The following CSMD1 variants were observed in gnomAD, a reference collection of about 807,000 sequenced individuals.
The protein encoded by CSMD1 is CUB and Sushi multiple domains 1, also known as CUB and sushi domain-containing protein 1.
A neutral mutation model predicts 417.5 loss-of-function variants in CSMD1; 213 were observed. That is an observed-to-expected ratio of 0.51 (90% CI 0.46 to 0.57). The LOEUF (loss-of-function observed/expected upper bound fraction) is 0.57. Among genes scored for constraint, CSMD1 ranks in the 20% least tolerant of loss-of-function variants. CSMD1 has a pLI of 0.00. For synonymous variants in CSMD1, 2,862 were observed against 1,736.8 expected, an observed-to-expected ratio of 1.65 and a Z score of -16.11; for missense variants, 6,923 against 4,529.7, an observed-to-expected ratio of 1.53 and a Z score of -15.17.
At position 3,823,319 on chromosome 8, in the gene CSMD1, G is replaced by C. The variant is rs535409956; in HGVS notation, c.819-69277C>G. ...TCCTCCTGCAAACCATCTTCTGGGT[G>C]CATGTGTAACAGGGACCCAGTACTC... On this transcript the variant is annotated intron_variant, in intron 5 of 69. Transcript: ENST00000635120. 1.9e-3 allele frequency among the ~76,000 whole-genome samples: 292 copies of C among 152,258 alleles called. 1 individual carries two copies. The highest frequency in any genetic ancestry group is 6.9e-3 in the African/African-American group (286 of 41,560).
At chr8:4,315,949 CTAAA>C (rs1798901220) in intron 3 of CSMD1, among the ~76,000 whole-genome samples, 2 of 152,092 alleles carry the variant, frequency 1.3e-5, no homozygotes, top group Admixed American at 6.6e-5. Flanking sequence ...CTCTTAACTC[CTAAA>C]TAAAGAACGG....
At chr8:3,705,767 C>G (rs1197746184) in intron 7 of CSMD1, among the ~76,000 whole-genome samples, 1 of 152,156 alleles carries the variant, frequency 6.6e-6, no homozygotes, top group East Asian at 1.9e-4. Flanking sequence ...TCTCTAGAAT[C>G]TCAAGAACTG....
intron 1 of CSMD1, among the ~76,000 whole-genome samples, chr8:4,876,589 A>C (rs1803055702): frequency 6.6e-6 from 1 of 152,132 alleles, no homozygotes; most frequent in Non-Finnish European, 1.5e-5. Flanking sequence ...TTCATAATAT[A>C]GCCTTTTTTT....
At chr8:3,546,870 C>A (rs984763434) in intron 10 of CSMD1, among the ~76,000 whole-genome samples, 1 of 152,108 alleles carries the variant, frequency 6.6e-6, no homozygotes, top group Non-Finnish European at 1.5e-5. Context: ...ATTGGAAAAA[C>A]GATGTTGCAA....
intron 46 of CSMD1, among the ~76,000 whole-genome samples, chr8:3,101,804 T>C (rs1043463840): frequency 6.2e-5 from 9 of 144,824 alleles, no homozygotes; most frequent in African/African-American, 1.0e-4. Flanking sequence ...TTTTTCTTTT[T>C]TTTTTTTTTT....
intron 3 of CSMD1, among the ~76,000 whole-genome samples, chr8:4,287,449 G>T (rs1448294180): frequency 6.6e-6 from 1 of 152,030 alleles, no homozygotes; most frequent in African/African-American, 2.4e-5. Flanking sequence ...GTCCAATATT[G>T]AGTAATATTA....
chr8:4,903,913 G>C (rs1468607612), intron 1 of CSMD1, among the ~76,000 whole-genome samples: 1 of 152,208 alleles, frequency 6.6e-6, no homozygotes, highest in African/African-American at 2.4e-5. Flanking sequence ...TGACATTGAA[G>C]ACTATATTTC....
chr8:4,050,565 T>C (rs1198973781), intron 3 of CSMD1, among the ~76,000 whole-genome samples: 1 of 152,152 alleles, frequency 6.6e-6, no homozygotes. Flanking sequence ...ACAAACAATC[T>C]AATCATACTA....
intron 23 of CSMD1, among the ~76,000 whole-genome samples, chr8:3,311,661 C>G (rs2161748): frequency 0.9 from 137,681 of 152,268 alleles, 62,570 homozygotes; most frequent in Middle Eastern, 0.96. Context: ...AGTATACTTT[C>G]TACTGAACGT....
intron 4 of CSMD1, among the ~76,000 whole-genome samples, chr8:4,030,498 C>A (rs796260491): frequency 6.6e-6 from 1 of 152,152 alleles, no homozygotes; most frequent in Non-Finnish European, 1.5e-5. Context: ...GTTGGAGCAG[C>A]TGGGATGCAG....
intron 1 of CSMD1, among the ~76,000 whole-genome samples, chr8:4,671,690 T>G (rs1334460618): frequency 6.6e-6 from 1 of 152,206 alleles, no homozygotes; most frequent in Non-Finnish European, 1.5e-5. Context: ...AGATTTATTT[T>G]TTCTTACCTC....
intron 46 of CSMD1, among the ~76,000 whole-genome samples, chr8:3,103,134 T>C (rs1815880089): frequency 6.6e-6 from 1 of 152,188 alleles, no homozygotes; most frequent in East Asian, 1.9e-4. Context: ...ATCACTTATG[T>C]CTTTAAATAA....
chr8:4,781,740 A>C lies in CSMD1; in HGVS notation c.86-144182T>G, dbSNP rs559728201. ...TCTGGGAACACTAGAAATGCTTACT[A>C]TATGGTAACCATTCTTAATCACAGC... On this transcript the variant is annotated intron_variant, in intron 1 of 69. Coordinates refer to ENST00000635120, the MANE Select transcript of CSMD1 (RefSeq NM_033225.6). 5.9e-5 allele frequency among the ~76,000 whole-genome samples: 9 copies of C among 152,308 alleles called. No homozygotes were observed. The East Asian group carries it at 1.7e-3, about 29-fold the overall frequency.
intron 3 of CSMD1, among the ~76,000 whole-genome samples, chr8:4,394,212 G>C (rs752319492): frequency 1.7e-4 from 26 of 152,070 alleles, no homozygotes; most frequent in Non-Finnish European, 3.7e-4. Flanking sequence ...AAGTGCCTAG[G>C]TCTTAGAAAA....
At chr8:4,803,350 G>C (rs908231276) in intron 1 of CSMD1, among the ~76,000 whole-genome samples, 1 of 152,094 alleles carries the variant, frequency 6.6e-6, no homozygotes, top group Non-Finnish European at 1.5e-5. Context: ...AATATAAAAA[G>C]GGTTTCAGTT....
intron 12 of CSMD1, among the ~76,000 whole-genome samples, chr8:3,412,813 A>C (rs1309023259): frequency 6.6e-6 from 1 of 152,218 alleles, no homozygotes; most frequent in Non-Finnish European, 1.5e-5. Context: ...ACTTAAATTT[A>C]ATGCTTGGGA....
Position 3,791,109 on chromosome 8 carries a change from T to C in CSMD1, c.819-37067A>G, listed in dbSNP as rs77745208. ...CATAAAATCAGTGTGATGGAACACT[T>C]TATAACTTTTAAAGCTGGAGTGCAT... On this transcript the variant is annotated intron_variant, in intron 5 of 69. Transcript: ENST00000635120. Among the ~76,000 whole-genome samples, 1,355 of 152,278 alleles carry C rather than the reference T, an allele frequency of 8.9e-3. 25 individuals are homozygous for C. Among genetic ancestry groups the C allele is most frequent in the African/African-American group, 0.031 (1,278 of 41,564 alleles).
chr8:4,328,039 T>C (rs1309623699), intron 3 of CSMD1, among the ~76,000 whole-genome samples: 1 of 152,150 alleles, frequency 6.6e-6, no homozygotes, highest in African/African-American at 2.4e-5. Flanking sequence ...GCGTCAGTTA[T>C]TGGTGATCCA....
intron 2 of CSMD1, among the ~76,000 whole-genome samples, chr8:4,544,386 ATTGTTACT>A (rs1055819246): frequency 3.0e-4 from 46 of 152,182 alleles, no homozygotes; most frequent in African/African-American, 1.1e-3. Context: ...TAAAAAATCT[ATTGTTACT>A]TTTATTAATA....
Sources: gnomAD v4.1 joint callset for allele counts (sites outside exome capture counted in the v4.1 genomes callset) on GRCh38, gnomAD v4.1.1 for gene constraint, MANE v1.5 for transcripts, NCBI Gene and HGNC (gene_info 2026-07-23, HGNC 2026-07-21) for gene names.